The following TAFA1 variants were observed in gnomAD, a reference collection of about 807,000 sequenced individuals.
TAFA1 encodes the protein TAFA chemokine like family member 1, also known as chemokine-like protein TAFA-1.
Under a neutral mutation model 18.5 loss-of-function variants are expected in TAFA1, and 4 were observed. The observed-to-expected ratio is 0.22, with a 90% CI of 0.11 to 0.49. The LOEUF (loss-of-function observed/expected upper bound fraction) is 0.49. Ranked by LOEUF, TAFA1 falls within the 20% of genes least tolerant of loss-of-function variation. The pLI is 0.98. For missense variants in TAFA1, 147 were observed against 169.0 expected (o/e 0.87, Z 0.72); for synonymous variants, 56 against 55.2 (o/e 1.01, Z -0.06).
At chr3:68,193,281 A>G (rs770441274) in intron 2 of TAFA1, among the ~76,000 whole-genome samples, 1 of 151,786 alleles carries the variant, frequency 6.6e-6, no homozygotes, top group East Asian at 1.9e-4. Flanking sequence ...CTACTATTCA[A>G]ACATGGATTA....
At chr3:68,538,176 C>G (rs1310223063) in intron 3 of TAFA1, among the ~76,000 whole-genome samples, 1 of 152,050 alleles carries the variant, frequency 6.6e-6, no homozygotes, top group Non-Finnish European at 1.5e-5. Flanking sequence ...AAATCTCAGT[C>G]AATTTTCAGT....
chr3:68,133,611 T>C (rs372227406), intron 2 of TAFA1, among the ~76,000 whole-genome samples: 47 of 140,374 alleles, frequency 3.3e-4, no homozygotes, highest in African/African-American at 1.3e-3. Flanking sequence ...TCCTAGGTAT[T>C]TTATTCTCTT....
At chr3:68,155,373 A>G (rs911399121) in intron 2 of TAFA1, among the ~76,000 whole-genome samples, 4 of 152,204 alleles carry the variant, frequency 2.6e-5, no homozygotes, top group African/African-American at 9.6e-5. Flanking sequence ...TATGCCAGGT[A>G]TTACGTTAGT....
chr3:68,329,862 T>C (rs972209895), intron 2 of TAFA1, among the ~76,000 whole-genome samples: 1 of 152,188 alleles, frequency 6.6e-6, no homozygotes, highest in Non-Finnish European at 1.5e-5. Context: ...AATTTAGAAT[T>C]ATATAAAAAT....
rs527883497 is a variant in TAFA1, at chr3:68,151,028, C to A, written c.118+144284C>A. Among the ~76,000 whole-genome samples the A allele has an allele frequency of 8.6e-5, 13 of 151,800 alleles. No individual in the cohort carries two copies. The East Asian group carries it at 2.5e-3, about 30-fold the overall frequency. ...AACTAAGTGACTTGCTGACATGGGG[C>A]CTCTATGACTTAAACTCAGGATGGC... On this transcript the variant is annotated intron_variant, in intron 2 of 4. Coordinates refer to ENST00000478136, the MANE Select transcript of TAFA1 (RefSeq NM_213609.4).
chr3:68,376,768 C>T (rs573882758), intron 2 of TAFA1, among the ~76,000 whole-genome samples: 19 of 152,206 alleles, frequency 1.2e-4, no homozygotes, highest in African/African-American at 4.6e-4. Context: ...TGGGTATATA[C>T]CCAGTGATAT....
chr3:68,336,697 C>T (rs1398368806), intron 2 of TAFA1, among the ~76,000 whole-genome samples: 2 of 152,124 alleles, frequency 1.3e-5, no homozygotes, highest in African/African-American at 2.4e-5. Flanking sequence ...ACAAGCTTTC[C>T]AGGTGATTCT....
intron 3 of TAFA1, among the ~76,000 whole-genome samples, chr3:68,484,908 G>T (rs1468997183): frequency 1.3e-5 from 2 of 152,040 alleles, no homozygotes; most frequent in Admixed American, 6.6e-5. Flanking sequence ...ATCTTCTCAG[G>T]GAAAAGGGAA....
chr3:68,048,947 T>C lies in TAFA1; in HGVS notation c.118+42203T>C, dbSNP rs564414978. On this transcript the variant is annotated intron_variant, in intron 2 of 4. Transcript: ENST00000478136. ...TGGATGTGCAGATATCTCTTTGATA[T>C]ACTGGTTTCTTTTCTTTGGGGCATA... Among the ~76,000 whole-genome samples, 9 of 152,340 alleles carry C rather than the reference T, an allele frequency of 5.9e-5. No homozygotes were observed. In the South Asian group the frequency reaches 1.4e-3, roughly 25 times the overall value.
intron 2 of TAFA1, among the ~76,000 whole-genome samples, chr3:68,129,474 C>T (rs111673632): frequency 5.8e-4 from 89 of 152,326 alleles, no homozygotes; most frequent in African/African-American, 2.0e-3. Flanking sequence ...ATTACTACCT[C>T]ACAGGTTTCT....
chr3:68,459,266 A>G (rs879525513), intron 3 of TAFA1, among the ~76,000 whole-genome samples: 10 of 152,318 alleles, frequency 6.6e-5, no homozygotes, highest in East Asian at 1.9e-4. Flanking sequence ...CACAACATCC[A>G]TTACAAGTAA....
intron 2 of TAFA1, among the ~76,000 whole-genome samples, chr3:68,087,181 A>G (rs991931679): frequency 6.6e-6 from 1 of 152,218 alleles, no homozygotes; most frequent in African/African-American, 2.4e-5. Flanking sequence ...TAAAATCTAT[A>G]AAGCTCTCAT....
At chr3:68,392,684 G>C (rs2070287957) in intron 2 of TAFA1, among the ~76,000 whole-genome samples, 1 of 152,142 alleles carries the variant, frequency 6.6e-6, no homozygotes, top group Non-Finnish European at 1.5e-5. Context: ...AATCGAATTA[G>C]AACTCACGAT....
chr3:68,181,235 C>T (rs540076618), intron 2 of TAFA1, among the ~76,000 whole-genome samples: 3 of 152,234 alleles, frequency 2.0e-5, no homozygotes, highest in African/African-American at 7.2e-5. Context: ...CTAGTGGGGA[C>T]CCAGCCAAAT....
chr3:68,415,073 A>T (rs1481157342), intron 2 of TAFA1, among the ~76,000 whole-genome samples: 1 of 152,106 alleles, frequency 6.6e-6, no homozygotes, highest in Non-Finnish European at 1.5e-5. Flanking sequence ...ATTAACTTGA[A>T]TCCCAGTGTC....
intron 3 of TAFA1, among the ~76,000 whole-genome samples, chr3:68,537,109 A>G (rs570410559): frequency 3.8e-4 from 58 of 152,254 alleles, no homozygotes; most frequent in African/African-American, 1.4e-3. Flanking sequence ...GTATTGAGGC[A>G]TTTGTCCCCT....
chr3:68,425,932 C>G (rs1423327936), intron 3 of TAFA1, among the ~76,000 whole-genome samples: 3 of 151,820 alleles, frequency 2.0e-5, no homozygotes, highest in Admixed American at 2.0e-4. Flanking sequence ...TTGCACTAGG[C>G]TCTGACAGGT....
chr3:68,019,446 T>G (rs1575576580), intron 2 of TAFA1, among the ~76,000 whole-genome samples: 2 of 152,148 alleles, frequency 1.3e-5, no homozygotes, highest in East Asian at 3.9e-4. Flanking sequence ...AGTGTAGATT[T>G]TTTGGTTTAC....
Position 68,096,175 on chromosome 3 carries a change from G to A in TAFA1, c.118+89431G>A, listed in dbSNP as rs1203842470. Among the ~76,000 whole-genome samples the A allele has an allele frequency of 4.6e-5, 7 of 152,132 alleles. No homozygotes were observed. The East Asian group carries it at 1.2e-3, about 25-fold the overall frequency. ...AGCTCTCACATATGAGTGAGAACAT[G>A]CAATATTTGTCTTTCTGTGCCTGGC... On this transcript the variant is annotated intron_variant, in intron 2 of 4. Coordinates refer to ENST00000478136, the MANE Select transcript of TAFA1 (RefSeq NM_213609.4).
Sources: allele counts gnomAD v4.1 joint callset (sites outside exome capture counted in the v4.1 genomes callset), GRCh38; gene constraint gnomAD v4.1.1; transcripts MANE v1.5; gene names NCBI Gene and HGNC (gene_info 2026-07-23, HGNC 2026-07-21).